Variants in KDELR1 observed in about 807,000 individuals in gnomAD.
The protein encoded by KDELR1 is ER lumen protein-retaining receptor 1.
Under a neutral mutation model 25.5 loss-of-function variants are expected in KDELR1, and 16 were observed. That is an observed-to-expected ratio of 0.63 (90% CI 0.43 to 0.95). KDELR1 has a LOEUF of 0.95. Ranked by LOEUF, KDELR1 falls within the 40% of genes least tolerant of loss-of-function variation. KDELR1 has a pLI of 0.00. For synonymous variants in KDELR1, 121 were observed against 115.0 expected (o/e 1.05, Z -0.33); for missense variants, 159 against 265.2 (o/e 0.60, Z 2.78).
chr19:48,388,172 G>C (rs1205849224), intron 3 of KDELR1, among the ~76,000 whole-genome samples: 1 of 152,190 alleles, frequency 6.6e-6, no homozygotes, highest in Admixed American at 6.5e-5. Flanking sequence ...CTGAGGCACA[G>C]GGTAGTTATG....
At chr19:48,383,559 G>A (rs1029949249) in intron 4 of KDELR1, among the ~76,000 whole-genome samples, 18 of 152,186 alleles carry the variant, frequency 1.2e-4, no homozygotes, top group African/African-American at 4.3e-4. Context: ...AGCCCAGGCT[G>A]GAGTGCAGTG....
At chr19:48,390,270 C>G in intron 2 of KDELR1, 154 bp downstream of exon 2, 1 of 567,704 alleles carries the variant, frequency 1.8e-6, no homozygotes, top group South Asian at 2.1e-5. Context: ...GTCCCTTCTT[C>G]CCTCAGACCC....
At chr19:48,388,060 C>A (rs1970510195) in intron 3 of KDELR1, among the ~76,000 whole-genome samples, 1 of 152,222 alleles carries the variant, frequency 6.6e-6, no homozygotes, top group Non-Finnish European at 1.5e-5. Flanking sequence ...ATTGACACAG[C>A]ACTTCCTACC....
intron 1 of KDELR1, 36 bp downstream of exon 1, chr19:48,391,232 A>G: frequency 1.3e-6 from 2 of 1,539,148 alleles, no homozygotes; most frequent in Non-Finnish European, 1.8e-6. Context: ...CCCGCCCGCA[A>G]TCTCTCTCCT....
chr19:48,386,541 G>A (rs961174661), intron 3 of KDELR1, among the ~76,000 whole-genome samples: 8 of 150,318 alleles, frequency 5.3e-5, no homozygotes, highest in Non-Finnish European at 5.9e-5. Flanking sequence ...TCTGCTGCCC[G>A]GGTTCAAGTG....
chr19:48,384,293 T>G lies in KDELR1; in HGVS notation c.541A>C (p.Ile181Leu), dbSNP rs1298411300. 3 of 1,614,222 alleles carry G rather than the reference T, an allele frequency of 1.9e-6. No individual in the cohort carries two copies. Among genetic ancestry groups the G allele is most frequent in the Non-Finnish European group, 2.5e-6 (3 of 1,180,046 alleles). The change falls in exon 4 of 5, where the codon ATT (isoleucine) becomes CTT (leucine). Residue 181 changes from isoleucine (I) to leucine (L), a missense_variant. By Grantham distance (5) the Ile-to-Leu change is conservative. Transcript: ENST00000330720. The surrounding 1 kb of genome is among the most constrained non-coding windows in gnomAD (Gnocchi z 4.6). The part of the protein sequence containing the change: ...HFEGFFDLIA[I>L]VAGLVQTVLY... ...ACTGTCTGGACCAGGCCTGCCACAA[T>G]GGCGATGAGGTCGAAGAAGCCCTCG...
chr19:48,386,447 ATTTTT>A (rs377642574), intron 3 of KDELR1, among the ~76,000 whole-genome samples: 3 of 111,482 alleles, frequency 2.7e-5, no homozygotes, highest in African/African-American at 9.9e-5. Flanking sequence ...TGCTGTTTGA[ATTTTT>A]TTTTTTTTTT....
upstream of KDELR1, among the ~76,000 whole-genome samples, chr19:48,393,241 G>C (rs562974572): frequency 6.6e-6 from 1 of 152,138 alleles, no homozygotes; most frequent in Admixed American, 6.5e-5. This position sits in a 1 kb window ranked among gnomAD's most constrained non-coding sequence, Gnocchi z 5.6. Context: ...GGAGGGGCTG[G>C]GGGGTGGGAC....
chr19:48,395,493 T>TTG (rs755262217), upstream of KDELR1, among the ~76,000 whole-genome samples: 102 of 151,216 alleles, frequency 6.7e-4, 1 homozygote, highest in Non-Finnish European at 1.2e-3. Flanking sequence ...GAGACCGATG[T>TTG]TGTGTGTGTG....
At position 48,389,562 on chromosome 19, in the gene KDELR1, G is replaced by A; in HGVS notation, c.342C>T (p.Thr114=). The A allele has an allele frequency of 6.2e-7, 1 of 1,614,058 alleles. No individual in the cohort carries two copies. Among genetic ancestry groups the A allele is most frequent in the Non-Finnish European group, 8.5e-7 (1 of 1,179,960 alleles). Residue 114 remains threonine (T), a synonymous_variant, in exon 3 of 5, where the codon ACC becomes ACT. Coordinates refer to ENST00000330720, the MANE Select transcript of KDELR1 (RefSeq NM_006801.3). ...ILAFLVNHDF[T]PLEILWTFSI... The stretch of plus-strand genomic sequence containing the variant: ...ACAGCAAGGCGCCTACCTCCAGAGG[G>A]GTGAAGTCATGATTGACCAGGAACG...
At position 48,382,869 on chromosome 19, in the gene KDELR1, T is replaced by G; in HGVS notation, c.*424A>C. 6.2e-6 allele frequency: 1 copy of G among 161,496 alleles called. No individual in the cohort carries two copies. The highest frequency in any genetic ancestry group is 1.3e-5 in the Non-Finnish European group (1 of 75,930). 10.0% of individuals were successfully genotyped at this position (161,496 alleles called of 1,614,324 possible). A position where few individuals can be genotyped will look rare whatever the true frequency, so the allele number is the denominator to read the frequency against. On this transcript the variant is annotated 3_prime_UTR_variant, in exon 5 of 5. Coordinates refer to ENST00000330720, the MANE Select transcript of KDELR1 (RefSeq NM_006801.3). ...TGGCCATGGCAGGAGGTGGGGCAGATGGGTGTCGGCAGATTTAGTGTTTGG... is the reference window on the plus strand; with the variant it reads ...TGGCCATGGCAGGAGGTGGGGCAGAGGGGTGTCGGCAGATTTAGTGTTTGG...
upstream of KDELR1, among the ~76,000 whole-genome samples, chr19:48,395,477 T>G (rs1970627791): frequency 6.6e-6 from 1 of 151,172 alleles, no homozygotes; most frequent in African/African-American, 2.4e-5. Flanking sequence ...AGGATTCGGG[T>G]GGGGAGAGAC....
In KDELR1 at chr19:48,384,014, A is replaced by T. The variant is rs1455664833; in HGVS notation, c.604+216T>A. Among the ~76,000 whole-genome samples the T allele has an allele frequency of 6.6e-6, 1 of 152,198 alleles. No individual in the cohort carries two copies. The highest frequency in any genetic ancestry group is 1.5e-5 in the Non-Finnish European group (1 of 68,042). ...CCCTGCCTGGCCTACGCTCCAAGTG[A>T]CATGGGGGCTAAGGACAGAAACTCC... On this transcript the variant is annotated intron_variant, in intron 4 of 4. Coordinates refer to ENST00000330720, the MANE Select transcript of KDELR1 (RefSeq NM_006801.3). The surrounding 1 kb of genome is among the most constrained non-coding windows in gnomAD (Gnocchi z 4.6).
upstream of KDELR1, among the ~76,000 whole-genome samples, chr19:48,394,502 G>A (rs929715132): frequency 1.3e-5 from 2 of 149,780 alleles, no homozygotes; most frequent in African/African-American, 4.9e-5. The surrounding 1 kb of genome is among the most constrained non-coding windows in gnomAD (Gnocchi z 5.1). Context: ...AGTGAGCCAG[G>A]GAGAGGCGGG....
At position 48,384,529 on chromosome 19, in the gene KDELR1, G is replaced by A. The variant is rs746402090; in HGVS notation, c.352-47C>T. On this transcript the variant is annotated intron_variant, in intron 3 of 4. Transcript: ENST00000330720. This position sits in a 1 kb window ranked among gnomAD's most constrained non-coding sequence, Gnocchi z 4.6. ...GATGAGGTGGGAGGGGACAGGGCGG[G>A]AGAAAAGGCAGAGGACAACATTGCA... is the stretch of plus-strand genomic sequence containing the variant. 1.9e-6 allele frequency: 3 copies of A among 1,585,280 alleles called. No individual in the cohort carries two copies. The highest frequency in any genetic ancestry group is 2.6e-6 in the Non-Finnish European group (3 of 1,163,586).
chr19:48,394,558 A>AG (rs1326899942), upstream of KDELR1, among the ~76,000 whole-genome samples: 4 of 43,368 alleles, frequency 9.2e-5, no homozygotes, highest in African/African-American at 2.9e-4. This position sits in a 1 kb window ranked among gnomAD's most constrained non-coding sequence, Gnocchi z 5.1. Context: ...GAAGCGGCAG[A>AG]GGGGGGCACC....
In KDELR1 at chr19:48,384,282, G is replaced by A; in HGVS notation, c.552C>T (p.Gly184=). The part of the protein sequence containing the change: ...GFFDLIAIVA[G]LVQTVLYCDF... ...CGCAGTAGAGGACTGTCTGGACCAGGCCTGCCACAATGGCGATGAGGTCGA... is the reference window on the plus strand; with the variant it reads ...CGCAGTAGAGGACTGTCTGGACCAGACCTGCCACAATGGCGATGAGGTCGA... Residue 184 remains glycine (G), a synonymous_variant, in exon 4 of 5, where the codon GGC becomes GGT. Transcript: ENST00000330720. This position sits in a 1 kb window ranked among gnomAD's most constrained non-coding sequence, Gnocchi z 4.6. 2 of 1,613,856 alleles carry A rather than the reference G, an allele frequency of 1.2e-6. No homozygotes were observed. The highest frequency in any genetic ancestry group is 1.7e-6 in the Non-Finnish European group (2 of 1,179,996).
At chr19:48,392,283 C>T (rs544938159), upstream of KDELR1, among the ~76,000 whole-genome samples, 36 of 131,750 alleles carry the variant, frequency 2.7e-4, 1 homozygote, top group African/African-American at 9.8e-4. Context: ...GGAGTCCAGA[C>T]CCCCAGCACC....
chr19:48,391,568 G>C (rs1291624113), upstream of KDELR1: 2 of 566,368 alleles, frequency 3.5e-6, no homozygotes, highest in Non-Finnish European at 6.3e-6. Flanking sequence ...GAGAGCGAGA[G>C]GGGGAGGAGT....
Sources: gnomAD v4.1 joint callset for allele counts (sites outside exome capture counted in the v4.1 genomes callset) on GRCh38, gnomAD v4.1.1 for gene constraint, Gnocchi (gnomAD v3.1) non-coding constraint, MANE v1.5 for transcripts, NCBI Gene and HGNC (gene_info 2026-07-23, HGNC 2026-07-21) for gene names.